Variants in CSMD1 observed in about 807,000 individuals in gnomAD.
CSMD1 encodes CUB and Sushi multiple domains 1.
CSMD1 carries 213 observed loss-of-function variants against 417.5 expected under a neutral mutation model. The observed-to-expected ratio is 0.51, with a 90% confidence interval of 0.46 to 0.57. The LOEUF is 0.57. Among genes scored for constraint, CSMD1 ranks in the 20% least tolerant of loss-of-function variants. The pLI, the probability that CSMD1 is intolerant of heterozygous loss-of-function variation, is 0.00. For missense variants in CSMD1, 6,923 were observed against 4,529.7 expected (o/e 1.53, Z -15.17); for synonymous variants, 2,862 against 1,736.8 (o/e 1.65, Z -16.11).
In CSMD1 at chr8:3,694,734, A is replaced by G. The variant is rs111805917; in HGVS notation, c.1009+13680T>C. Among the ~76,000 whole-genome samples, 5 of 152,016 alleles carry G rather than the reference A, an allele frequency of 3.3e-5. 1 individual carries two copies. The highest frequency in any genetic ancestry group is 3.4e-3 in the Middle Eastern group (1 of 292). On this transcript the variant is annotated intron_variant, in intron 7 of 69. Transcript: ENST00000635120. ...GGAGAACCTGGAGGAAGCAGGTGCC[A>G]TTCTGCTTCGAAAGCAACACCAAAA...
Position 3,223,738 on chromosome 8 carries a change from A to G in CSMD1, c.4475T>C (p.Ile1492Thr), listed in dbSNP as rs1798338977. 1 of 1,613,842 alleles carries G rather than the reference A, an allele frequency of 6.2e-7. No individual in the cohort carries two copies. Among genetic ancestry groups the G allele is most frequent in the Non-Finnish European group, 8.5e-7 (1 of 1,179,834 alleles). Reference sequence around the variant, plus strand: ...CTGCAAGAGACGGTACCTTTTGAATATCAAGGCGATGACAAAGTCCGGGTT... The same window carrying G: ...CTGCAAGAGACGGTACCTTTTGAATGTCAAGGCGATGACAAAGTCCGGGTT... Reference protein sequence around the residue: ...KVNPDFVIALIFKSFNMEPSY... With the variant: ...KVNPDFVIALTFKSFNMEPSY... The change falls in exon 28 of 70, where the codon ATA (isoleucine) becomes ACA (threonine). Residue 1492 changes from isoleucine to threonine, a missense_variant. Physicochemically the swap from Ile to Thr is moderately conservative, Grantham distance 89. Transcript: ENST00000635120.
chr8:3,756,605 A>G (rs1321358056), intron 5 of CSMD1, among the ~76,000 whole-genome samples: 2 of 152,180 alleles, frequency 1.3e-5, no homozygotes, highest in Non-Finnish European at 2.9e-5. Flanking sequence ...TATTTATTCA[A>G]TCCCCTGTAA....
chr8:3,237,561 G>A (rs1197475662), intron 26 of CSMD1, among the ~76,000 whole-genome samples: 1 of 139,022 alleles, frequency 7.2e-6, no homozygotes, highest in Non-Finnish European at 1.6e-5. Flanking sequence ...ACACAACTTT[G>A]CATATAAATA....
intron 1 of CSMD1, among the ~76,000 whole-genome samples, chr8:4,837,904 AAAAAAT>A (rs1277849193): frequency 2.6e-5 from 4 of 152,108 alleles, no homozygotes; most frequent in Non-Finnish European, 4.4e-5. Flanking sequence ...CAAAATTAAA[AAAAAAT>A]AAAAATAAAC....
chr8:3,856,410 C>T (rs1395909616), intron 5 of CSMD1, among the ~76,000 whole-genome samples: 1 of 152,108 alleles, frequency 6.6e-6, no homozygotes, highest in East Asian at 1.9e-4. Context: ...CCAGTTTCTG[C>T]TACTTCTTTA....
intron 26 of CSMD1, among the ~76,000 whole-genome samples, chr8:3,268,913 T>C (rs1215926264): frequency 6.6e-6 from 1 of 152,208 alleles, no homozygotes; most frequent in Non-Finnish European, 1.5e-5. Context: ...CCATAAGTGA[T>C]ATTCCAGCTA....
rs1008181995 is a variant in CSMD1 at position 3,574,947 on chromosome 8, T to C, written c.1342A>G (p.Lys448Glu). 1 of 1,612,158 alleles carries C rather than the reference T, an allele frequency of 6.2e-7. No homozygotes were observed. Residue 448 changes from lysine (K) to glutamate (E), a missense_variant and splice_region_variant, in exon 10 of 70, where the codon AAG (lysine) becomes GAG (glutamate). Physicochemically the swap from Lys to Glu is moderately conservative, Grantham distance 56. Transcript: ENST00000635120. ...AGGGGTTGGAGGCGGAGCCTTACCT[T>C]GTCCGGGTCGGTGGTGGTGATGACC... Reference protein sequence around the residue: ...VWVITTTDPDKVIKLAFEEFE... With the variant: ...VWVITTTDPDEVIKLAFEEFE...
chr8:3,293,904 C>T (rs117513247), intron 25 of CSMD1, among the ~76,000 whole-genome samples: 2,604 of 152,204 alleles, frequency 0.017, 33 homozygotes, highest in Non-Finnish European at 0.026. Context: ...GAGAGGTGTT[C>T]TGATTTTTAG....
At chr8:3,047,198 T>G (rs977222411) in intron 50 of CSMD1, among the ~76,000 whole-genome samples, 14 of 116,786 alleles carry the variant, frequency 1.2e-4, no homozygotes, top group Admixed American at 3.6e-4. Flanking sequence ...CAGGCAACAG[T>G]ATAAGACTCC....
At chr8:3,957,216 A>G (rs180976227) in intron 5 of CSMD1, among the ~76,000 whole-genome samples, 155 of 152,332 alleles carry the variant, frequency 1.0e-3, no homozygotes, top group African/African-American at 3.6e-3. Flanking sequence ...AAATGAGAAG[A>G]CAGAAATATA....
At chr8:4,632,013 G>A (rs1802545694) in intron 2 of CSMD1, among the ~76,000 whole-genome samples, 1 of 152,124 alleles carries the variant, frequency 6.6e-6, no homozygotes, top group Non-Finnish European at 1.5e-5. Context: ...TATCACAGTT[G>A]GAAATAGATG....
chr8:3,612,930 G>A (rs77909919), intron 8 of CSMD1, among the ~76,000 whole-genome samples: 1 of 151,948 alleles, frequency 6.6e-6, no homozygotes, highest in African/African-American at 2.4e-5. Flanking sequence ...TAAGAGGTCA[G>A]AGCAGAAATC....
intron 3 of CSMD1, among the ~76,000 whole-genome samples, chr8:4,039,855 G>C (rs1050786378): frequency 2.6e-5 from 4 of 152,310 alleles, no homozygotes; most frequent in Admixed American, 2.0e-4. Context: ...GCTCCAGAAA[G>C]TGATTTTGTA....
At chr8:3,475,024 A>G (rs1817326342) in intron 11 of CSMD1, among the ~76,000 whole-genome samples, 2 of 152,058 alleles carry the variant, frequency 1.3e-5, no homozygotes, top group Non-Finnish European at 2.9e-5. Context: ...AGCTCCAGCC[A>G]TATTTATTTT....
Position 3,343,357 on chromosome 8 carries a change from G to C in CSMD1, c.3568C>G (p.Leu1190Val). 1 of 1,613,818 alleles carries C rather than the reference G, an allele frequency of 6.2e-7. No homozygotes were observed. The highest frequency in any genetic ancestry group is 8.5e-7 in the Non-Finnish European group (1 of 1,179,754). Residue 1190 changes from leucine to valine, a missense_variant, in exon 23 of 70, where the codon CTG becomes GTG. By Grantham distance (32) the Leu-to-Val change is conservative (BLOSUM62 1). Transcript: ENST00000635120. ...GLILNSTSNH[L>V]WLEFNTNGSD... ...CCATTGGTGTTGAACTCTAGCCACA[G>C]GTGATTGGATGTGCTGTTTAGGATC...
At position 3,852,338 on chromosome 8, in the gene CSMD1, G is replaced by A. The variant is rs80093083; in HGVS notation, c.819-98296C>T. 7.7e-4 allele frequency among the ~76,000 whole-genome samples: 117 copies of A among 152,184 alleles called. 1 individual carries two copies. The highest frequency in any genetic ancestry group is 2.6e-3 in the African/African-American group (108 of 41,510). On this transcript the variant is annotated intron_variant, in intron 5 of 69. Coordinates refer to ENST00000635120, the MANE Select transcript of CSMD1 (RefSeq NM_033225.6). ...TGTAGGGAGCAAGGGAGAATGGCCC[G>A]AAGGAAGCAGTGCAGGATAAGGGAC...
At chr8:4,514,372 G>A (rs1304138330) in intron 2 of CSMD1, among the ~76,000 whole-genome samples, 1 of 152,054 alleles carries the variant, frequency 6.6e-6, no homozygotes, top group Non-Finnish European at 1.5e-5. Flanking sequence ...TAAAATACCT[G>A]AATTTTAGGG....
At chr8:4,986,654 T>C (rs1811193596) in intron 1 of CSMD1, among the ~76,000 whole-genome samples, 1 of 152,088 alleles carries the variant, frequency 6.6e-6, no homozygotes, top group Non-Finnish European at 1.5e-5. Context: ...AATTATCCCC[T>C]GAAGTCTCCC....
chr8:4,684,879 TAATC>T (rs897034093), intron 1 of CSMD1, among the ~76,000 whole-genome samples: 2 of 152,238 alleles, frequency 1.3e-5, no homozygotes, highest in Non-Finnish European at 2.9e-5. Context: ...CTTCTTCTAC[TAATC>T]AATCACTTAC....
Sources: gnomAD v4.1 joint callset for allele counts (sites outside exome capture counted in the v4.1 genomes callset) on GRCh38, gnomAD v4.1.1 for gene constraint, MANE v1.5 for transcripts, NCBI Gene and HGNC (gene_info 2026-07-23, HGNC 2026-07-21) for gene names.